Variants in NDE1 observed in about 807,000 individuals in gnomAD.
NDE1 encodes nudE neurodevelopment protein 1, also known as nuclear distribution protein nudE homolog 1.
In NDE1, 28 loss-of-function variants were observed where a neutral mutation model predicts 43.4. That is an observed-to-expected ratio of 0.65 (90% confidence interval 0.48 to 0.89). The LOEUF is 0.89. NDE1 is among the 40% of genes least tolerant of loss of function. The pLI, the probability that NDE1 is intolerant of heterozygous loss-of-function variation, is 0.00. For synonymous variants in NDE1, 184 were observed against 172.0 expected, an observed-to-expected ratio of 1.07 and a Z score of -0.55; for missense variants, 441 against 434.1, an observed-to-expected ratio of 1.02 and a Z score of -0.14.
chr16:15,714,880 G>A (rs368788669), intron 8 of NDE1: 146 of 1,612,108 alleles, frequency 9.1e-5, no homozygotes, highest in African/African-American at 3.7e-4. Flanking sequence ...CCTGAGAGAC[G>A]GGGTCCTCCC....
At chr16:15,708,583 GAGGC>G (rs2039596034) in intron 8 of NDE1, among the ~76,000 whole-genome samples, 2 of 152,218 alleles carry the variant, frequency 1.3e-5, no homozygotes, top group South Asian at 2.1e-4. Flanking sequence ...GTGCTGCCCA[GAGGC>G]AGGAAGGACA....
intron 4 of NDE1, among the ~76,000 whole-genome samples, 191 bp downstream of exon 4, chr16:15,678,140 G>A (rs2037983161): frequency 6.6e-6 from 1 of 152,184 alleles, no homozygotes; most frequent in Non-Finnish European, 1.5e-5. Context: ...CATTACAGCA[G>A]CAAGGCTGGC....
At chr16:15,711,307 CTT>C (rs1282842070) in intron 8 of NDE1, 1 of 152,160 alleles carries the variant, frequency 6.6e-6, no homozygotes, top group Non-Finnish European at 1.5e-5. Context: ...CTTTCCAACT[CTT>C]TTTAAACAAG....
intron 1 of NDE1, among the ~76,000 whole-genome samples, chr16:15,653,450 G>T (rs2036601555): frequency 6.6e-6 from 1 of 152,116 alleles, no homozygotes; most frequent in Non-Finnish European, 1.5e-5. Flanking sequence ...TGGACATTTG[G>T]CAGCTTCTTT....
At chr16:15,674,129 T>C (rs1012543482) in intron 3 of NDE1, among the ~76,000 whole-genome samples, 2 of 152,152 alleles carry the variant, frequency 1.3e-5, no homozygotes, top group African/African-American at 4.8e-5. Context: ...CAGGGAATCA[T>C]TGAGAAGTGC....
chr16:15,699,791 C>T, intron 8 of NDE1: 1 of 1,351,582 alleles, frequency 7.4e-7, no homozygotes, highest in Non-Finnish European at 9.8e-7. Flanking sequence ...CCGCTGCCGT[C>T]AGCCCAGGGG....
chr16:15,694,173 G>A lies in NDE1; in HGVS notation c.712G>A (p.Asp238Asn), dbSNP rs369224665. Residue 238 changes from aspartate (D) to asparagine (N), a missense_variant, in exon 7 of 9, where the codon GAC (aspartate) becomes AAC (asparagine). Transcript: ENST00000396354. ...TCCCTTTGCACACCCAGGCCTGGAC[G>A]ACTCCACCGGGGGGACCCCCCTCAC... is the stretch of plus-strand genomic sequence containing the variant. ...TPGSFRRGLD[D>N]STGGTPLTPA... is the part of the protein sequence containing the mutation. 51 of 1,612,562 alleles carry A rather than the reference G, an allele frequency of 3.2e-5. No homozygotes were observed. The highest frequency in any genetic ancestry group is 4.4e-5 in the South Asian group (4 of 91,000).
chr16:15,703,492 A>T (rs2039294185), intron 8 of NDE1: 1 of 273,942 alleles, frequency 3.7e-6, no homozygotes, highest in Admixed American at 4.7e-5. Context: ...CAATCCATTG[A>T]TAGAACTGGA....
intron 1 of NDE1, among the ~76,000 whole-genome samples, chr16:15,644,260 G>T (rs2036248523): frequency 6.6e-6 from 1 of 152,152 alleles, no homozygotes; most frequent in African/African-American, 2.4e-5. Context: ...TGCCAAACGA[G>T]AATATTTTGC....
intron 8 of NDE1, among the ~76,000 whole-genome samples, chr16:15,708,461 TAAGAGTGGCTTTTGGCATGAAAGG>T (rs1408641407): frequency 6.6e-6 from 1 of 152,200 alleles, no homozygotes; most frequent in Non-Finnish European, 1.5e-5. Flanking sequence ...CCTAACCACG[TAAGAGTGGCTTTTGGCATGAAAGG>T]AAGAAAAATC....
chr16:15,703,588 GGGT>G (rs1223573737), intron 8 of NDE1: 530 of 370,054 alleles, frequency 1.4e-3, no homozygotes, highest in South Asian at 3.3e-3. Context: ...GGGGTAGTAG[GGGT>G]GGTGGTGGTG....
intron 4 of NDE1, among the ~76,000 whole-genome samples, chr16:15,685,369 C>T (rs2044910317): frequency 6.6e-6 from 1 of 152,074 alleles, no homozygotes; most frequent in African/African-American, 2.4e-5. Flanking sequence ...GTCCTCCTAC[C>T]TCAGCCTCCG....
intron 8 of NDE1, among the ~76,000 whole-genome samples, chr16:15,715,944 G>A (rs1288893589): frequency 1.3e-5 from 2 of 152,100 alleles, no homozygotes; most frequent in Admixed American, 1.3e-4. Context: ...TGGCCAACAT[G>A]GTGAAACCCC....
intron 3 of NDE1, among the ~76,000 whole-genome samples, chr16:15,674,273 C>T (rs1306366165): frequency 6.6e-6 from 1 of 152,090 alleles, no homozygotes; most frequent in African/African-American, 2.4e-5. Flanking sequence ...GAGATGGAGT[C>T]TTGTTCGTCG....
chr16:15,721,817 T>C (rs888970787), intron 8 of NDE1: 11 of 647,614 alleles, frequency 1.7e-5, no homozygotes, highest in Admixed American at 2.8e-5. Flanking sequence ...ATCAACCTTA[T>C]GCAGAGCCAG....
At chr16:15,704,359 G>T (rs1596662225) in intron 8 of NDE1, among the ~76,000 whole-genome samples, 1 of 152,148 alleles carries the variant, frequency 6.6e-6, no homozygotes, top group East Asian at 1.9e-4. Flanking sequence ...GGTTGCGGGG[G>T]TGGGTGGAGA....
intron 7 of NDE1, chr16:15,695,390 C>G (rs1306656869): frequency 1.7e-5 from 10 of 603,460 alleles, no homozygotes; most frequent in Non-Finnish European, 2.1e-5. Context: ...CACCTGCGAT[C>G]CCAGCTACTT....
chr16:15,708,450 C>G (rs2039587067), intron 8 of NDE1, among the ~76,000 whole-genome samples: 1 of 152,192 alleles, frequency 6.6e-6, no homozygotes, highest in East Asian at 1.9e-4. Flanking sequence ...CTGCTGAGTG[C>G]CCTAACCACG....
At chr16:15,670,420 G>A (rs1291841363) in intron 3 of NDE1, among the ~76,000 whole-genome samples, 1 of 152,152 alleles carries the variant, frequency 6.6e-6, no homozygotes, top group Admixed American at 6.6e-5. Context: ...CACTTCAGGA[G>A]GCCGAGGTGG....
Sources: allele counts gnomAD v4.1 joint callset (sites outside exome capture counted in the v4.1 genomes callset), GRCh38; gene constraint gnomAD v4.1.1; transcripts MANE v1.5; gene names NCBI Gene and HGNC (gene_info 2026-07-23, HGNC 2026-07-21).